SPATA6: variants seen among roughly 807,000 people sequenced by gnomAD.
The protein encoded by SPATA6 is spermatogenesis-associated protein 6.
In SPATA6, 56 loss-of-function variants were observed where a neutral mutation model predicts 65.3. The observed-to-expected ratio is 0.86, with a 90% CI of 0.69 to 1.07. SPATA6 has a LOEUF of 1.07. Ranked by LOEUF, SPATA6 falls within the 50% of genes least tolerant of loss-of-function variation. The pLI is 0.00. For synonymous variants in SPATA6, 199 were observed against 213.2 expected, an observed-to-expected ratio of 0.93 and a Z score of 0.58; for missense variants, 590 against 594.8, an observed-to-expected ratio of 0.99 and a Z score of 0.08.
chr1:48,368,235 C>T (rs1647098389), intron 9 of SPATA6, among the ~76,000 whole-genome samples: 2 of 152,138 alleles, frequency 1.3e-5, no homozygotes, highest in South Asian at 4.1e-4. Flanking sequence ...AACATTTTGC[C>T]TTCATTTAAA....
intron 3 of SPATA6, among the ~76,000 whole-genome samples, chr1:48,441,422 T>C (rs1452428163): frequency 6.6e-6 from 1 of 152,248 alleles, no homozygotes; most frequent in Admixed American, 6.5e-5. Context: ...GACTTTGCTC[T>C]TTTCACATGC....
chr1:48,267,548 T>C, the SPATA6 span, among the ~76,000 whole-genome samples: 88,480 of 151,660 alleles, frequency 0.58, 26,880 homozygotes, highest in East Asian at 0.81. Flanking sequence ...CCTCTGAAGT[T>C]GGCCGCCCAG....
intron 9 of SPATA6, among the ~76,000 whole-genome samples, chr1:48,380,863 A>G (rs139705793): frequency 3.5e-4 from 53 of 152,330 alleles, no homozygotes; most frequent in African/African-American, 1.2e-3. Context: ...ACAACTCTAT[A>G]TATAAACACT....
chr1:48,314,738 T>A (rs1557547113), intron 11 of SPATA6, among the ~76,000 whole-genome samples: 1 of 151,846 alleles, frequency 6.6e-6, no homozygotes, highest in African/African-American at 2.4e-5. Context: ...CTTCAAAAAA[T>A]CAATGAATCC....
chr1:48,417,210 C>G (rs1304418911), intron 3 of SPATA6, among the ~76,000 whole-genome samples: 1 of 152,164 alleles, frequency 6.6e-6, no homozygotes, highest in African/African-American at 2.4e-5. Flanking sequence ...AATCTAAAGA[C>G]ACATTTCTTT....
the SPATA6 span, among the ~76,000 whole-genome samples, chr1:48,290,265 G>A: frequency 6.6e-6 from 1 of 152,128 alleles, no homozygotes; most frequent in Non-Finnish European, 1.5e-5. Context: ...CATAAGTGAA[G>A]GAGAAATAAA....
chr1:48,399,069 G>T, intron 7 of SPATA6: 1 of 287,304 alleles, frequency 3.5e-6, no homozygotes, highest in Non-Finnish European at 6.4e-6. Flanking sequence ...AAGTTCAATT[G>T]GTAGCGTTAT....
intron 1 of SPATA6, among the ~76,000 whole-genome samples, chr1:48,466,484 G>A (rs1423729810): frequency 6.6e-6 from 1 of 151,918 alleles, no homozygotes; most frequent in Non-Finnish European, 1.5e-5. Flanking sequence ...TACAACTTCA[G>A]GATATTAGTT....
At chr1:48,278,949 C>A in the SPATA6 span, among the ~76,000 whole-genome samples, 4 of 152,172 alleles carry the variant, frequency 2.6e-5, no homozygotes, top group Non-Finnish European at 5.9e-5. Flanking sequence ...AGGTTACCCA[C>A]AAAGGGAAGC....
the SPATA6 span, among the ~76,000 whole-genome samples, chr1:48,282,025 C>T: frequency 6.6e-3 from 1,010 of 152,176 alleles, 10 homozygotes; most frequent in Middle Eastern, 0.017. Context: ...TCAGAAATAA[C>T]GCCACGTATC....
rs1470617267 is a variant in SPATA6 at position 48,325,163 on chromosome 1, G to C, written c.1195-19285C>G. 3 of 615,886 alleles carry C rather than the reference G, an allele frequency of 4.9e-6. No homozygotes were observed. In the African/African-American group the frequency reaches 5.5e-5, roughly 11 times the overall value. 38.2% of individuals were successfully genotyped at this position (615,886 alleles called of 1,614,324 possible). On this transcript the variant is annotated intron_variant, in intron 11 of 12. Transcript: ENST00000371847. Reference sequence around the variant, plus strand: ...CTTCTTGGGTTCATTTACAGTTTCAGGGTTATGGACTGCAAGGTTTGGTGC... The same window carrying C: ...CTTCTTGGGTTCATTTACAGTTTCACGGTTATGGACTGCAAGGTTTGGTGC...
chr1:48,324,566 C>T (rs1213937483), intron 11 of SPATA6, among the ~76,000 whole-genome samples: 2 of 152,026 alleles, frequency 1.3e-5, no homozygotes, highest in African/African-American at 2.4e-5. Flanking sequence ...TGTGATACAT[C>T]GTATCAACAG....
intron 9 of SPATA6, among the ~76,000 whole-genome samples, chr1:48,379,544 G>T (rs1648308532): frequency 6.6e-6 from 1 of 152,088 alleles, no homozygotes; most frequent in African/African-American, 2.4e-5. Flanking sequence ...AAAAAATTCT[G>T]GAGATCTATT....
At chr1:48,428,144 C>T (rs1654013373) in intron 3 of SPATA6, among the ~76,000 whole-genome samples, 1 of 152,112 alleles carries the variant, frequency 6.6e-6, no homozygotes, top group African/African-American at 2.4e-5. Context: ...CTACCACTGA[C>T]CCAAAGCCTT....
chr1:48,472,074 G>C lies in SPATA6; in HGVS notation c.-66C>G. ...GCCCGAGTGAGGCGGGGAGACCTGG[G>C]GCTGGGCGGGGACGGGGAGGAGACG... On this transcript the variant is annotated 5_prime_UTR_variant, in exon 1 of 13. Transcript: ENST00000371847. 7.9e-7 allele frequency: 1 copy of C among 1,270,854 alleles called. No individual in the cohort carries two copies. The highest frequency in any genetic ancestry group is 1.0e-6 in the Non-Finnish European group (1 of 955,920). 78.7% of individuals were successfully genotyped at this position (1,270,854 alleles called of 1,614,324 possible).
chr1:48,359,856 T>A (rs1380222634), intron 9 of SPATA6, 86 bp from the exon 10 acceptor site: 1 of 1,007,966 alleles, frequency 9.9e-7, no homozygotes, highest in Admixed American at 2.9e-5. Flanking sequence ...GTATGCATAG[T>A]AGTCATATGC....
intron 9 of SPATA6, among the ~76,000 whole-genome samples, chr1:48,366,254 T>G (rs571836793): frequency 6.6e-6 from 1 of 152,314 alleles, no homozygotes; most frequent in East Asian, 1.9e-4. Flanking sequence ...TCTAAAATTC[T>G]CTTTTTTGGT....
chr1:48,288,626 A>G, the SPATA6 span, among the ~76,000 whole-genome samples: 2 of 152,208 alleles, frequency 1.3e-5, no homozygotes, highest in African/African-American at 4.8e-5. Context: ...CAGCACCTGG[A>G]AAACCAGGTC....
intron 3 of SPATA6, among the ~76,000 whole-genome samples, chr1:48,426,031 G>C (rs1484962426): frequency 2.0e-5 from 3 of 152,138 alleles, no homozygotes; most frequent in African/African-American, 7.2e-5. Flanking sequence ...ATCGCTAATG[G>C]ATTAAAAATG....
Sources: allele counts gnomAD v4.1 joint callset (sites outside exome capture counted in the v4.1 genomes callset), GRCh38; gene constraint gnomAD v4.1.1; transcripts MANE v1.5; gene names NCBI Gene and HGNC (gene_info 2026-07-23, HGNC 2026-07-21).